Variants in CTNND2 observed in about 807,000 individuals in gnomAD.
CTNND2 encodes catenin delta 2, also known as catenin delta-2.
A neutral mutation model predicts 144.4 loss-of-function variants in CTNND2; 22 were observed. That is an observed-to-expected ratio of 0.15 (90% confidence interval 0.11 to 0.22). CTNND2 has a LOEUF of 0.22. Ranked by LOEUF, CTNND2 falls within the 10% of genes least tolerant of loss-of-function variation. The probability of loss-of-function intolerance (pLI) is 1.00; values close to 1 mark genes in which losing one functional copy is unlikely to be tolerated. For missense variants in CTNND2, 1,353 were observed against 1,618.8 expected, an observed-to-expected ratio of 0.84 and a Z score of 2.82; for synonymous variants, 751 against 695.6, an observed-to-expected ratio of 1.08 and a Z score of -1.25.
At chr5:11,742,560 T>C (rs914748565) in intron 1 of CTNND2, among the ~76,000 whole-genome samples, 13 of 152,178 alleles carry the variant, frequency 8.5e-5, no homozygotes, top group African/African-American at 2.4e-4. Context: ...GTTGGCAAAA[T>C]AGAATTACTT....
intron 1 of CTNND2, among the ~76,000 whole-genome samples, chr5:11,870,666 G>A (rs1012181795): frequency 6.6e-6 from 1 of 152,208 alleles, no homozygotes; most frequent in African/African-American, 2.4e-5. Context: ...GAAGAGCAGA[G>A]AATGGTTTGG....
intron 9 of CTNND2, among the ~76,000 whole-genome samples, chr5:11,294,374 T>G (rs1157714685): frequency 6.6e-6 from 1 of 152,184 alleles, no homozygotes; most frequent in Admixed American, 6.5e-5. Flanking sequence ...AGTTGTGAAA[T>G]GAACTAGCCA....
intron 5 of CTNND2, among the ~76,000 whole-genome samples, chr5:11,411,282 A>C (rs1283793829): frequency 1.3e-5 from 2 of 152,194 alleles, no homozygotes; most frequent in Non-Finnish European, 2.9e-5. Flanking sequence ...AACAGTGAGA[A>C]TCACCAGTAT....
intron 1 of CTNND2, among the ~76,000 whole-genome samples, chr5:11,832,642 A>C (rs1355395449): frequency 6.6e-6 from 1 of 152,106 alleles, no homozygotes; most frequent in Admixed American, 6.5e-5. Flanking sequence ...AAATGGATAA[A>C]ATAAAACTAT....
intron 6 of CTNND2, among the ~76,000 whole-genome samples, chr5:11,396,036 T>C (rs978484203): frequency 9.2e-5 from 14 of 151,582 alleles, no homozygotes; most frequent in African/African-American, 2.7e-4. Flanking sequence ...GTGAAAGAGA[T>C]GGGCTCGGGG....
chr5:11,395,305 T>C (rs1316620949), intron 6 of CTNND2, among the ~76,000 whole-genome samples: 1 of 152,198 alleles, frequency 6.6e-6, no homozygotes, highest in Non-Finnish European at 1.5e-5. Flanking sequence ...TAAATTATAA[T>C]ACCAATATCT....
At chr5:10,996,301 G>A (rs952302803) in intron 18 of CTNND2, among the ~76,000 whole-genome samples, 1 of 152,130 alleles carries the variant, frequency 6.6e-6, no homozygotes, top group Non-Finnish European at 1.5e-5. Context: ...TATTGATCAG[G>A]GTACTGGTGG....
intron 9 of CTNND2, among the ~76,000 whole-genome samples, chr5:11,323,753 C>T (rs1208642608): frequency 6.6e-6 from 1 of 152,158 alleles, no homozygotes; most frequent in East Asian, 1.9e-4. Flanking sequence ...TTTGCACCAA[C>T]CTAATATCTA....
intron 1 of CTNND2, among the ~76,000 whole-genome samples, chr5:11,773,208 T>C (rs1398834070): frequency 6.6e-6 from 1 of 152,196 alleles, no homozygotes; most frequent in Admixed American, 6.5e-5. Flanking sequence ...TTCAAATATA[T>C]CTATGAATCC....
chr5:11,245,601 G>C (rs1000145961), intron 9 of CTNND2, among the ~76,000 whole-genome samples: 1 of 152,174 alleles, frequency 6.6e-6, no homozygotes, highest in Non-Finnish European at 1.5e-5. Context: ...AACCTCTAAA[G>C]GGAGCCTGGC....
chr5:11,748,482 T>C (rs1410106797), intron 1 of CTNND2, among the ~76,000 whole-genome samples: 1 of 152,144 alleles, frequency 6.6e-6, no homozygotes, highest in South Asian at 2.1e-4. Flanking sequence ...TAATTTTAAA[T>C]GGACAAATAA....
intron 2 of CTNND2, among the ~76,000 whole-genome samples, chr5:11,600,996 T>C (rs1003173202): frequency 2.0e-5 from 3 of 151,976 alleles, no homozygotes; most frequent in East Asian, 3.9e-4. Context: ...TGACAAATAT[T>C]CTAATTTGAC....
chr5:11,673,279 T>C (rs904435429), intron 2 of CTNND2, among the ~76,000 whole-genome samples: 2 of 152,140 alleles, frequency 1.3e-5, no homozygotes, highest in Non-Finnish European at 2.9e-5. Context: ...AGAAAGCAAT[T>C]GCTGTAGATT....
chr5:11,426,236 T>C (rs936340573), intron 3 of CTNND2, among the ~76,000 whole-genome samples: 3 of 152,220 alleles, frequency 2.0e-5, no homozygotes, highest in Admixed American at 6.5e-5. Context: ...AATAATTTTT[T>C]ATTGATACCA....
At chr5:11,506,275 A>G (rs1377108324) in intron 3 of CTNND2, among the ~76,000 whole-genome samples, 3 of 152,214 alleles carry the variant, frequency 2.0e-5, no homozygotes, top group African/African-American at 7.2e-5. Context: ...GCAAATTGGA[A>G]GGCTTTGGGA....
At chr5:11,057,349 T>C (rs1746441198) in intron 16 of CTNND2, among the ~76,000 whole-genome samples, 3 of 152,198 alleles carry the variant, frequency 2.0e-5, no homozygotes, top group Admixed American at 2.0e-4. Context: ...TGGGAAGTAA[T>C]TGAATCATGG....
intron 1 of CTNND2, among the ~76,000 whole-genome samples, chr5:11,869,876 A>G (rs1432689405): frequency 6.6e-6 from 1 of 152,184 alleles, no homozygotes; most frequent in Non-Finnish European, 1.5e-5. Flanking sequence ...AGGTGTTAGG[A>G]ACAAAATGCA....
At chr5:11,098,448 A>ATT in intron 15 of CTNND2, 127 bp downstream of exon 15, 2 of 809,396 alleles carry the variant, frequency 2.5e-6, no homozygotes, top group Non-Finnish European at 3.7e-6. Context: ...GTTCAATATA[A>ATT]TTTTTTTTTC....
At chr5:11,107,569 G>A (rs925568000) in intron 14 of CTNND2, among the ~76,000 whole-genome samples, 1 of 152,214 alleles carries the variant, frequency 6.6e-6, no homozygotes, top group African/African-American at 2.4e-5. Flanking sequence ...AATTTGTTTA[G>A]TCTGGCAGGA....
Sources: allele counts gnomAD v4.1 joint callset (sites outside exome capture counted in the v4.1 genomes callset), GRCh38; gene constraint gnomAD v4.1.1; transcripts MANE v1.5; gene names NCBI Gene and HGNC (gene_info 2026-07-23, HGNC 2026-07-21).